KCNH7: variants seen among roughly 807,000 people sequenced by gnomAD.
The protein encoded by KCNH7 is potassium voltage-gated channel subfamily H member 7.
Under a neutral mutation model 120.8 loss-of-function variants are expected in KCNH7, and 49 were observed. The ratio of observed to expected loss-of-function variants is 0.41; its 90% confidence interval spans 0.32 to 0.51. The LOEUF (loss-of-function observed/expected upper bound fraction) is 0.51. Among genes scored for constraint, KCNH7 ranks in the 20% least tolerant of loss-of-function variants. The pLI, the probability that KCNH7 is intolerant of heterozygous loss-of-function variation, is 0.38. For synonymous variants in KCNH7, 547 were observed against 516.1 expected (o/e 1.06, Z -0.81); for missense variants, 1,097 against 1,446.6 (o/e 0.76, Z 3.92).
rs78819586 is a variant in KCNH7 at position 162,806,292 on chromosome 2, A to G, written c.307+30245T>C. Among the ~76,000 whole-genome samples, 278 of 152,310 alleles carry G rather than the reference A, an allele frequency of 1.8e-3. 7 individuals carry two copies. In the East Asian group the frequency reaches 0.042, roughly 23 times the overall value. Reference sequence around the variant, plus strand: ...TTTTAAGCTTAGCTTAGCTAACTCAATTTTGGGAATAACAGCTTTTCTCTC... The same window carrying G: ...TTTTAAGCTTAGCTTAGCTAACTCAGTTTTGGGAATAACAGCTTTTCTCTC... On this transcript the variant is annotated intron_variant, in intron 2 of 15. Transcript: ENST00000332142.
intron 2 of KCNH7, among the ~76,000 whole-genome samples, chr2:162,619,774 C>A (rs1201794305): frequency 6.6e-6 from 1 of 152,074 alleles, no homozygotes; most frequent in Non-Finnish European, 1.5e-5. Context: ...TTAAACGCAT[C>A]TTCTTCTACA....
chr2:162,459,007 A>AAATAATAAT (rs71009358), intron 6 of KCNH7, among the ~76,000 whole-genome samples: 48,795 of 134,394 alleles, frequency 0.36, 9,259 homozygotes, highest in Non-Finnish European at 0.41. Context: ...TTCTGTTTCA[A>AAATAATAAT]AATAATAATA....
chr2:162,650,505 T>C (rs1684527604), intron 2 of KCNH7, among the ~76,000 whole-genome samples: 1 of 152,204 alleles, frequency 6.6e-6, no homozygotes, highest in Admixed American at 6.6e-5. Context: ...TGGCATATGC[T>C]GCTACCATGA....
intron 7 of KCNH7, among the ~76,000 whole-genome samples, chr2:162,436,757 C>A (rs1302369906): frequency 9.9e-5 from 15 of 152,016 alleles, no homozygotes; most frequent in Non-Finnish European, 2.1e-4. Context: ...AACTACCACA[C>A]CCTATGTATT....
At chr2:162,784,766 T>G (rs1158492858) in intron 2 of KCNH7, 1 of 152,292 alleles carries the variant, frequency 6.6e-6, no homozygotes, top group South Asian at 2.1e-4. Context: ...AGATATTACA[T>G]GAGTGTTAGA....
intron 2 of KCNH7, among the ~76,000 whole-genome samples, chr2:162,752,585 C>G (rs1688589291): frequency 6.6e-6 from 1 of 152,008 alleles, no homozygotes; most frequent in Admixed American, 6.6e-5. Context: ...CAAAGAGGCA[C>G]ACACACGGCA....
intron 2 of KCNH7, among the ~76,000 whole-genome samples, chr2:162,780,717 T>TA (rs2105493290): frequency 6.6e-6 from 1 of 152,270 alleles, no homozygotes; most frequent in South Asian, 2.1e-4. Context: ...TAAAATGTGT[T>TA]AGAGTTCCAA....
At chr2:162,471,435 C>T (rs1366404029) in intron 6 of KCNH7, among the ~76,000 whole-genome samples, 4 of 151,938 alleles carry the variant, frequency 2.6e-5, no homozygotes, top group East Asian at 3.9e-4. Context: ...TGTGTATACA[C>T]GTGTTTGAGA....
At chr2:162,692,348 T>G (rs1023575886) in intron 2 of KCNH7, among the ~76,000 whole-genome samples, 1 of 151,916 alleles carries the variant, frequency 6.6e-6, no homozygotes, top group Non-Finnish European at 1.5e-5. Flanking sequence ...GATGATCTCC[T>G]ACCCACCACG....
At chr2:162,376,492 G>A (rs1686190699) in intron 14 of KCNH7, among the ~76,000 whole-genome samples, 2 of 151,792 alleles carry the variant, frequency 1.3e-5, no homozygotes, top group African/African-American at 4.8e-5. Flanking sequence ...AGCCTCCTGA[G>A]TAGCTGGCAT....
At chr2:162,585,800 A>G (rs1694003477) in intron 2 of KCNH7, among the ~76,000 whole-genome samples, 2 of 151,968 alleles carry the variant, frequency 1.3e-5, no homozygotes, top group African/African-American at 4.8e-5. Flanking sequence ...GGCAAATAAG[A>G]ATAGTGTTGG....
intron 2 of KCNH7, among the ~76,000 whole-genome samples, chr2:162,604,357 T>TA (rs550138776): frequency 1.1e-4 from 17 of 151,980 alleles, no homozygotes; most frequent in South Asian, 2.1e-4. Flanking sequence ...GTTCTAAAAT[T>TA]AAAAAAAATT....
At chr2:162,790,630 C>T (rs568396194) in intron 2 of KCNH7, among the ~76,000 whole-genome samples, 36 of 152,114 alleles carry the variant, frequency 2.4e-4, no homozygotes, top group Non-Finnish European at 4.9e-4. Context: ...GAGGATCATT[C>T]ATCATAGGAA....
At chr2:162,650,357 A>G (rs542399372) in intron 2 of KCNH7, among the ~76,000 whole-genome samples, 2 of 152,310 alleles carry the variant, frequency 1.3e-5, no homozygotes, top group South Asian at 4.1e-4. Context: ...CCAAAAACTT[A>G]TGATTTTGGT....
intron 2 of KCNH7, among the ~76,000 whole-genome samples, chr2:162,638,573 C>T (rs1684041464): frequency 6.6e-6 from 1 of 151,908 alleles, no homozygotes; most frequent in South Asian, 2.1e-4. Flanking sequence ...TAAAAAGTAA[C>T]CAGCATCTAA....
At chr2:162,450,940 G>T (rs938967117) in intron 6 of KCNH7, among the ~76,000 whole-genome samples, 11 of 152,004 alleles carry the variant, frequency 7.2e-5, no homozygotes, top group Admixed American at 2.6e-4. Context: ...ACATCTCAGG[G>T]TATAAGGATG....
At chr2:162,581,854 A>AAAG (rs1443872738) in intron 2 of KCNH7, among the ~76,000 whole-genome samples, 3 of 152,074 alleles carry the variant, frequency 2.0e-5, no homozygotes, top group Non-Finnish European at 4.4e-5. Context: ...GATGCCTGAA[A>AAAG]TCTTGTTGCT....
At chr2:162,468,396 T>A (rs868160429) in intron 6 of KCNH7, among the ~76,000 whole-genome samples, 1 of 152,008 alleles carries the variant, frequency 6.6e-6, no homozygotes, top group Non-Finnish European at 1.5e-5. Flanking sequence ...TTGCTTATGA[T>A]CTAATTTCCA....
In KCNH7 at chr2:162,518,073, C is replaced by A. The variant is rs184552608; in HGVS notation, c.549G>T (p.Val183=). ...CACTGTGTTTAGATGAATCGATGAC[C>A]ACCACATCGGGGTCTTCTTGTGGTA... ...QSLPQEDPDV[V]VIDSSKHSDD... is the part of the protein sequence containing the mutation. The change falls in exon 4 of 16, where the codon GTG becomes GTT. Residue 183 remains valine (V), a synonymous_variant. Coordinates refer to ENST00000332142, the MANE Select transcript of KCNH7 (RefSeq NM_033272.4). 1 of 1,612,200 alleles carries A rather than the reference C, an allele frequency of 6.2e-7. No individual in the cohort carries two copies. The highest frequency in any genetic ancestry group is 8.5e-7 in the Non-Finnish European group (1 of 1,178,724).
Sources: gnomAD v4.1 joint callset for allele counts (sites outside exome capture counted in the v4.1 genomes callset) on GRCh38, gnomAD v4.1.1 for gene constraint, MANE v1.5 for transcripts, NCBI Gene and HGNC (gene_info 2026-07-23, HGNC 2026-07-21) for gene names.